The following PRCC variants were observed in gnomAD, a reference collection of about 807,000 sequenced individuals.
PRCC encodes proline-rich protein PRCC.
Under a neutral mutation model 44.0 loss-of-function variants are expected in PRCC, and 10 were observed. The observed-to-expected ratio is 0.23, with a 90% CI of 0.14 to 0.39. The LOEUF (loss-of-function observed/expected upper bound fraction) is 0.39, where lower values mean the gene tolerates loss of function less well. Among genes scored for constraint, PRCC ranks in the 10% least tolerant of loss-of-function variants. The pLI is 1.00. For missense variants in PRCC, 573 were observed against 624.7 expected (o/e 0.92, Z 0.88); for synonymous variants, 278 against 259.5 (o/e 1.07, Z -0.69).
At chr1:156,773,683 C>G (rs1046203016) in intron 1 of PRCC, among the ~76,000 whole-genome samples, 1 of 152,194 alleles carries the variant, frequency 6.6e-6, no homozygotes, top group African/African-American at 2.4e-5. Flanking sequence ...TTAATATACT[C>G]TTGAGGAAAA....
intron 1 of PRCC, among the ~76,000 whole-genome samples, chr1:156,774,636 G>A (rs1651754596): frequency 6.6e-6 from 1 of 151,904 alleles, no homozygotes; most frequent in Non-Finnish European, 1.5e-5. Context: ...ACAGTAATGT[G>A]CCACTGTACC....
Position 156,787,083 on chromosome 1 carries a change from G to T in PRCC, c.992G>T (p.Gly331Val), listed in dbSNP as rs758761021. Residue 331 changes from glycine to valine, a missense_variant, in exon 3 of 7, where the codon GGG (glycine) becomes GTG (valine). Coordinates refer to ENST00000271526, the MANE Select transcript of PRCC (RefSeq NM_005973.5). ...LEFKMAAGSS[G>V]APWMPKPGDD... ...TTCAAGATGGCAGCAGGTTCAAGTG[G>T]GGCCCCTTGGATGCCTAAGCCTGGG... is the stretch of plus-strand genomic sequence containing the variant. The T allele has an allele frequency of 6.2e-7, 1 of 1,614,014 alleles. No homozygotes were observed. Among genetic ancestry groups the T allele is most frequent in the South Asian group, 1.1e-5 (1 of 91,090 alleles).
At chr1:156,789,434 A>G (rs1323682781) in intron 3 of PRCC, among the ~76,000 whole-genome samples, 1 of 152,226 alleles carries the variant, frequency 6.6e-6, no homozygotes, top group East Asian at 1.9e-4. Context: ...TCTTAGAATT[A>G]CAAGATAGCT....
intron 5 of PRCC, among the ~76,000 whole-genome samples, chr1:156,795,598 T>C (rs915078996): frequency 1.6e-4 from 25 of 152,192 alleles, no homozygotes; most frequent in Admixed American, 8.5e-4. Context: ...GGTTAGTTCA[T>C]TGTTTCAAGC....
intron 1 of PRCC, among the ~76,000 whole-genome samples, chr1:156,772,082 C>T (rs1424978329): frequency 6.6e-6 from 1 of 152,166 alleles, no homozygotes; most frequent in Non-Finnish European, 1.5e-5. Flanking sequence ...TGGTCTCAAA[C>T]TCCTGGGCTC....
In PRCC at chr1:156,794,657, T is replaced by C; in HGVS notation, c.1180-8T>C. On this transcript the variant is annotated splice_polypyrimidine_tract_variant and splice_region_variant and intron_variant, in intron 4 of 6. Coordinates refer to ENST00000271526, the MANE Select transcript of PRCC (RefSeq NM_005973.5). ...GATTCCTGACTCCTGCATTTTTTTC[T>C]TTTCCAGTTTAAGCGGCTGCAGGGC... 2 of 1,613,904 alleles carry C rather than the reference T, an allele frequency of 1.2e-6. No homozygotes were observed. Among genetic ancestry groups the C allele is most frequent in the Non-Finnish European group, 1.7e-6 (2 of 1,179,940 alleles).
chr1:156,784,817 G>T (rs764058270), intron 2 of PRCC, among the ~76,000 whole-genome samples: 1 of 152,106 alleles, frequency 6.6e-6, no homozygotes, highest in Non-Finnish European at 1.5e-5. Flanking sequence ...TAGGCCAAAC[G>T]GGCCTTTTAG....
chr1:156,767,909 G>T lies in PRCC; in HGVS notation c.138G>T (p.Lys46Asn). ...GGLFASLPAP[K>N]GPALLPPPPQ... is the part of the protein sequence containing the mutation. ...TGTTCGCTTCTCTCCCTGCGCCCAA[G>T]GGTCCGGCCTTGCTGCCTCCGCCCC... Residue 46 changes from lysine (K) to asparagine (N), a missense_variant, in exon 1 of 7, where the codon AAG becomes AAT. By Grantham distance (94) the Lys-to-Asn change is moderately conservative. Coordinates refer to ENST00000271526, the MANE Select transcript of PRCC (RefSeq NM_005973.5). The T allele has an allele frequency of 6.2e-7, 1 of 1,601,650 alleles. No homozygotes were observed. Among genetic ancestry groups the T allele is most frequent in the Non-Finnish European group, 8.5e-7 (1 of 1,174,794 alleles).
intron 3 of PRCC, among the ~76,000 whole-genome samples, chr1:156,789,900 T>C (rs1652415552): frequency 6.6e-6 from 1 of 152,260 alleles, no homozygotes; most frequent in South Asian, 2.1e-4. Flanking sequence ...TTGATGTGTA[T>C]GGCCCCAGAG....
At chr1:156,776,956 A>G (rs1651849466) in intron 1 of PRCC, among the ~76,000 whole-genome samples, 1 of 152,216 alleles carries the variant, frequency 6.6e-6, no homozygotes, top group African/African-American at 2.4e-5. Context: ...CCAGGTGCTT[A>G]AGTCTTTTCT....
At chr1:156,798,942 A>G (rs951150108) in intron 6 of PRCC, among the ~76,000 whole-genome samples, 2 of 152,180 alleles carry the variant, frequency 1.3e-5, no homozygotes, top group African/African-American at 2.4e-5. Flanking sequence ...TAGAGAGACA[A>G]GCAGCTCCCG....
chr1:156,776,869 G>T (rs966789080), intron 1 of PRCC, among the ~76,000 whole-genome samples: 2 of 152,114 alleles, frequency 1.3e-5, no homozygotes, highest in African/African-American at 4.8e-5. Flanking sequence ...GTCAAAAGAC[G>T]AGAGATGGTG....
chr1:156,767,667 G>A lies in PRCC; in HGVS notation c.-105G>A. On this transcript the variant is annotated 5_prime_UTR_variant, in exon 1 of 7. Transcript: ENST00000271526. ...AGAGTACGGAGCAGGCGGACTTTTC[G>A]GTTCCCCGCCCCGCCAGGTGGCGGG... 8.2e-7 allele frequency: 1 copy of A among 1,222,746 alleles called. No individual in the cohort carries two copies. The allele number at this position is 1,222,746 out of a possible 1,614,324, so 75.7% of individuals were successfully genotyped here. A position where few individuals can be genotyped will look rare whatever the true frequency, so the allele number is the denominator to read the frequency against.
At chr1:156,777,902 G>A (rs1651882199) in intron 1 of PRCC, among the ~76,000 whole-genome samples, 1 of 152,062 alleles carries the variant, frequency 6.6e-6, no homozygotes, top group South Asian at 2.1e-4. Context: ...CAAACAGGAG[G>A]TTCTTTAAGG....
chr1:156,777,392 A>G (rs985730128), intron 1 of PRCC, among the ~76,000 whole-genome samples: 5 of 152,218 alleles, frequency 3.3e-5, no homozygotes, highest in Admixed American at 2.0e-4. Flanking sequence ...AAGTGTTATT[A>G]TAAGAATTAA....
At chr1:156,779,589 G>C (rs1005463687) in intron 1 of PRCC, among the ~76,000 whole-genome samples, 2 of 151,880 alleles carry the variant, frequency 1.3e-5, no homozygotes, top group African/African-American at 4.8e-5. Flanking sequence ...GGCTGGTCTC[G>C]AACTCCTGAC....
chr1:156,792,289 T>C (rs1470276325), intron 4 of PRCC, among the ~76,000 whole-genome samples: 1 of 151,962 alleles, frequency 6.6e-6, no homozygotes, highest in African/African-American at 2.4e-5. Flanking sequence ...AGCCATCACA[T>C]TGGCATTGGA....
intron 3 of PRCC, among the ~76,000 whole-genome samples, chr1:156,788,024 C>T (rs931510893): frequency 4.6e-5 from 7 of 151,972 alleles, no homozygotes; most frequent in Admixed American, 1.3e-4. Flanking sequence ...TTAGTAGAGA[C>T]GGGGTTTCAC....
Position 156,800,579 on chromosome 1 carries a change from C to A in PRCC, c.*119C>A, listed in dbSNP as rs891435634. On this transcript the variant is annotated 3_prime_UTR_variant, in exon 7 of 7. Coordinates refer to ENST00000271526, the MANE Select transcript of PRCC (RefSeq NM_005973.5). The stretch of plus-strand genomic sequence containing the variant: ...GATCTCTTTCCCCAAGGACCCAGCC[C>A]TCGCCTCTGCGAGAATGAACATATT... The A allele has an allele frequency of 3.1e-6, 3 of 967,046 alleles. No individual in the cohort carries two copies. The African/African-American group carries it at 4.9e-5, about 16-fold the overall frequency. 59.9% of individuals were successfully genotyped at this position (967,046 alleles called of 1,614,324 possible). A position where few individuals can be genotyped will look rare whatever the true frequency, so the allele number is the denominator to read the frequency against.
Sources: allele counts gnomAD v4.1 joint callset (sites outside exome capture counted in the v4.1 genomes callset), GRCh38; gene constraint gnomAD v4.1.1; transcripts MANE v1.5; gene names NCBI Gene and HGNC (gene_info 2026-07-23, HGNC 2026-07-21).